Variants in FGFR1 observed in about 807,000 individuals in gnomAD.
The protein encoded by FGFR1 is fibroblast growth factor receptor 1, also known as FGFR1/PLAG1 fusion.
Under a neutral mutation model 93.7 loss-of-function variants are expected in FGFR1, and 18 were observed. That is an observed-to-expected ratio of 0.19 (90% CI 0.13 to 0.28). The LOEUF (loss-of-function observed/expected upper bound fraction) is 0.28, where lower values mean the gene tolerates loss of function less well. Ranked by LOEUF, FGFR1 falls within the 10% of genes least tolerant of loss-of-function variation. The probability of loss-of-function intolerance (pLI) is 1.00; values close to 1 mark genes in which losing one functional copy is unlikely to be tolerated. For synonymous variants in FGFR1, 448 were observed against 429.3 expected (o/e 1.04, Z -0.54); for missense variants, 731 against 1,080.4 (o/e 0.68, Z 4.53).
intron 13 of FGFR1, 117 bp downstream of exon 13, chr8:38,415,753 G>A (rs893463009): frequency 4.1e-5 from 41 of 1,000,418 alleles, no homozygotes; most frequent in African/African-American, 8.0e-5. Flanking sequence ...AGGGCACACA[G>A]GGCCAGTGCT....
intron 1 of FGFR1, chr8:38,466,121 G>A: frequency 4.3e-6 from 1 of 231,822 alleles, no homozygotes. Flanking sequence ...CAAACCTGTA[G>A]CCGTTATTTA....
intron 2 of FGFR1, among the ~76,000 whole-genome samples, chr8:38,450,116 G>A (rs571915236): frequency 6.6e-6 from 1 of 152,310 alleles, no homozygotes; most frequent in African/African-American, 2.4e-5. Flanking sequence ...ATTTAGCCCA[G>A]GCCCTTCAGA....
At chr8:38,414,757 G>T (rs768446923) in intron 14 of FGFR1, 22 bp downstream of exon 14, 1 of 1,614,016 alleles carries the variant, frequency 6.2e-7, no homozygotes. Flanking sequence ...CACCAGCACA[G>T]GGCGGCCTTG....
chr8:38,425,130 G>A (rs1820268090), intron 6 of FGFR1, among the ~76,000 whole-genome samples: 1 of 150,506 alleles, frequency 6.6e-6, no homozygotes, highest in Admixed American at 6.7e-5. Context: ...TCTTGGATCA[G>A]AATCTCCTTT....
At chr8:38,423,037 G>A (rs762962706) in intron 7 of FGFR1, 5 of 779,694 alleles carry the variant, frequency 6.4e-6, no homozygotes, top group Non-Finnish European at 9.6e-6. Context: ...TTTGCCACAG[G>A]TCTGGTGACA....
chr8:38,465,207 A>C (rs1436439828), intron 1 of FGFR1, among the ~76,000 whole-genome samples: 2 of 152,188 alleles, frequency 1.3e-5, no homozygotes, highest in East Asian at 3.9e-4. Flanking sequence ...CACCTAATGG[A>C]ACTGTCTAAC....
Position 38,424,739 on chromosome 8 carries a change from T to G in FGFR1, c.746-40A>C, listed in dbSNP as rs1433863935. 6.3e-7 allele frequency: 1 copy of G among 1,595,516 alleles called. No individual in the cohort carries two copies. The highest frequency in any genetic ancestry group is 1.1e-5 in the South Asian group (1 of 89,010). On this transcript the variant is annotated intron_variant, in intron 6 of 17. Transcript: ENST00000447712. The surrounding 1 kb of genome is among the most constrained non-coding windows in gnomAD (Gnocchi z 4.3). The stretch of plus-strand genomic sequence containing the variant: ...AGAGGAGGCACTTGTCATGGGGACC[T>G]TGCCATGGCTAAAGAGGGGTGGGCT...
intron 7 of FGFR1, chr8:38,422,653 C>T: frequency 3.4e-6 from 1 of 297,760 alleles, no homozygotes; most frequent in Non-Finnish European, 6.3e-6. Context: ...CCTCCCACCT[C>T]AGCCTCCCAA....
In FGFR1 at chr8:38,454,124, C is replaced by T. The variant is rs533380862; in HGVS notation, c.91+3232G>A. Among the ~76,000 whole-genome samples the T allele has an allele frequency of 9.9e-5, 15 of 152,210 alleles. No homozygotes were observed. The South Asian group carries it at 2.9e-3, about 29-fold the overall frequency. ...ACTCCCTTTCTTCTGTTCACAGGGCCGGTACTTTGTCCTCATCAAGATCTT... is the reference window on the plus strand; with the variant it reads ...ACTCCCTTTCTTCTGTTCACAGGGCTGGTACTTTGTCCTCATCAAGATCTT... On this transcript the variant is annotated intron_variant, in intron 2 of 17. Coordinates refer to ENST00000447712, the MANE Select transcript of FGFR1 (RefSeq NM_023110.3).
rs1421199406 is a variant in FGFR1 at position 38,413,728 on chromosome 8, G to A, written c.2369C>T (p.Ser790Leu). The A allele has an allele frequency of 6.2e-7, 1 of 1,614,078 alleles. No individual in the cohort carries two copies. The highest frequency in any genetic ancestry group is 1.1e-5 in the South Asian group (1 of 91,068). ...ATGAGAGAAGACGGAATCCTCCCCT[G>A]AGGAGCACGTAGAGCTCCGGGTGTC... ...FPDTRSSTCS[S>L]GEDSVFSHEP... The change falls in exon 18 of 18, where the codon TCA becomes TTA. Residue 790 changes from serine (S) to leucine (L), a missense_variant. Transcript: ENST00000447712. The surrounding 1 kb of genome is among the most constrained non-coding windows in gnomAD (Gnocchi z 4.2).
chr8:38,440,546 C>T (rs1330024730), intron 2 of FGFR1, among the ~76,000 whole-genome samples: 2 of 151,588 alleles, frequency 1.3e-5, no homozygotes, highest in Non-Finnish European at 2.9e-5. Context: ...CGTCCACCAG[C>T]CCCCCGACCC....
intron 8 of FGFR1, chr8:38,420,420 A>T (rs1002462653): frequency 6.6e-6 from 1 of 152,276 alleles, no homozygotes; most frequent in Non-Finnish European, 1.5e-5. Context: ...ATTTCCAAAA[A>T]TAAGCTTTTT....
chr8:38,413,717 A>G lies in FGFR1; in HGVS notation c.2380T>C (p.Ser794Pro). The change falls in exon 18 of 18, where the codon TCC (serine) becomes CCC (proline). Residue 794 changes from serine (S) to proline (P), a missense_variant. By Grantham distance (74) the Ser-to-Pro change is moderately conservative. This residue lies in a region of FGFR1 where 79 missense variants were observed against 97.2 expected (regional missense o/e 0.81). Transcript: ENST00000447712. This position sits in a 1 kb window ranked among gnomAD's most constrained non-coding sequence, Gnocchi z 4.2. The part of the protein sequence containing the change: ...RSSTCSSGED[S>P]VFSHEPLPEE... ...GGCAGCGGCTCATGAGAGAAGACGG[A>G]ATCCTCCCCTGAGGAGCACGTAGAG... The G allele has an allele frequency of 6.2e-7, 1 of 1,614,008 alleles. No homozygotes were observed. The highest frequency in any genetic ancestry group is 8.5e-7 in the Non-Finnish European group (1 of 1,179,964).
In FGFR1 at chr8:38,429,036, A is replaced by C; in HGVS notation, c.359-601T>G. 1 of 345,134 alleles carries C rather than the reference A, an allele frequency of 2.9e-6. No homozygotes were observed. Among genetic ancestry groups the C allele is most frequent in the Non-Finnish European group, 5.7e-6 (1 of 174,804 alleles). The allele number at this position is 345,134 out of a possible 1,614,324, so 21.4% of individuals were successfully genotyped here. A position where few individuals can be genotyped will look rare whatever the true frequency, so the allele number is the denominator to read the frequency against. On this transcript the variant is annotated intron_variant, in intron 3 of 17. Transcript: ENST00000447712. This position sits in a 1 kb window ranked among gnomAD's most constrained non-coding sequence, Gnocchi z 4.4. The stretch of plus-strand genomic sequence containing the variant: ...CACATGTGGTCACCCATCAGGGTTC[A>C]TGCCAGATCTTTCTCCAGTCCTTCC...
chr8:38,417,468 T>G (rs1210460008), intron 11 of FGFR1, 52 bp from the exon 12 acceptor site: 2 of 1,504,228 alleles, frequency 1.3e-6, no homozygotes, highest in Non-Finnish European at 1.8e-6. Flanking sequence ...GAGGGCAGGA[T>G]AAAGGCTAAG....
chr8:38,456,732 A>C (rs1273446383), intron 2 of FGFR1, among the ~76,000 whole-genome samples: 1 of 152,068 alleles, frequency 6.6e-6, no homozygotes, highest in Non-Finnish European at 1.5e-5. Flanking sequence ...CATCACACCC[A>C]GTTAATTTCC....
intron 2 of FGFR1, among the ~76,000 whole-genome samples, chr8:38,442,291 A>C (rs1827760364): frequency 6.6e-6 from 1 of 151,804 alleles, no homozygotes; most frequent in South Asian, 2.1e-4. Flanking sequence ...CCTAAACTCA[A>C]AGCAAAGTCC....
At position 38,413,359 on chromosome 8, in the gene FGFR1, GA is replaced by G. The variant is rs1815021855; in HGVS notation, c.*268del. 1.9e-6 allele frequency: 1 copy of G among 527,888 alleles called. No individual in the cohort carries two copies. Among genetic ancestry groups the G allele is most frequent in the Non-Finnish European group, 3.4e-6 (1 of 298,444 alleles). 32.7% of individuals were successfully genotyped at this position (527,888 alleles called of 1,614,324 possible). A position where few individuals can be genotyped will look rare whatever the true frequency, so the allele number is the denominator to read the frequency against. ...CCTCCAGGCAGTGCCTGGTGGCAGG[GA>G]GGGGTGTTGGTCCAACATCTGGGAG... On this transcript the variant is annotated 3_prime_UTR_variant, in exon 18 of 18. Transcript: ENST00000447712. This position sits in a 1 kb window ranked among gnomAD's most constrained non-coding sequence, Gnocchi z 4.2.
At chr8:38,414,516 T>C (rs936574777) in intron 15 of FGFR1, 43 bp downstream of exon 15, 1 of 1,607,762 alleles carries the variant, frequency 6.2e-7, no homozygotes, top group Non-Finnish European at 8.5e-7. Context: ...TGCTAGAAGC[T>C]CTCTATCCCA....
Sources: allele counts gnomAD v4.1 joint callset (sites outside exome capture counted in the v4.1 genomes callset), GRCh38; gene constraint gnomAD v4.1.1; regional missense constraint gnomAD v4.1.1; non-coding constraint Gnocchi (gnomAD v3.1); transcripts MANE v1.5; gene names NCBI Gene and HGNC (gene_info 2026-07-23, HGNC 2026-07-21).